The following RAB33A variants were observed in gnomAD, a reference collection of about 807,000 sequenced individuals.
RAB33A encodes the protein ras-related protein Rab-33A.
A neutral mutation model predicts 12.0 loss-of-function variants in RAB33A; 6 were observed. That is an observed-to-expected ratio of 0.50 (90% CI 0.27 to 0.99). The LOEUF (loss-of-function observed/expected upper bound fraction) is 0.99, where lower values mean the gene tolerates loss of function less well. Among genes scored for constraint, RAB33A ranks in the 50% least tolerant of loss-of-function variants. The pLI is 0.11. For missense variants in RAB33A, 109 were observed against 192.0 expected (o/e 0.57, Z 2.55); for synonymous variants, 70 against 82.4 (o/e 0.85, Z 0.81).
chrX:130,144,750 C>T, the RAB33A span, among the ~76,000 whole-genome samples: 1 of 112,421 alleles, frequency 8.9e-6, no homozygotes, highest in African/African-American at 3.2e-5. Flanking sequence ...CTGCCTAATA[C>T]AGTTAGCCCC....
chrX:130,156,462 T>C, the RAB33A span: 8 of 1,211,758 alleles, frequency 6.6e-6, no homozygotes, highest in East Asian at 3.0e-5. Context: ...TCTACTTACA[T>C]AGGCACCAGC....
chrX:130,151,595 G>A, the RAB33A span, among the ~76,000 whole-genome samples: 3 of 111,895 alleles, frequency 2.7e-5, no homozygotes, highest in African/African-American at 9.7e-5. Context: ...GTACTGTATG[G>A]GAAAAGACAA....
the RAB33A span, among the ~76,000 whole-genome samples, chrX:130,134,519 G>A: frequency 1.8e-5 from 2 of 110,929 alleles, no homozygotes; most frequent in South Asian, 7.6e-4. Context: ...TATGTTGTCC[G>A]GGTTGCTGAG....
At chrX:130,139,095 G>A in the RAB33A span, among the ~76,000 whole-genome samples, 1 of 110,448 alleles carries the variant, frequency 9.1e-6, no homozygotes, top group Non-Finnish European at 1.9e-5. Flanking sequence ...AGGCTGACAA[G>A]CCTTGTTCTA....
the RAB33A span, among the ~76,000 whole-genome samples, chrX:130,118,071 C>T: frequency 8.9e-6 from 1 of 112,176 alleles, no homozygotes; most frequent in Admixed American, 9.4e-5. Context: ...AGAAGAGACC[C>T]AGGGGAAGGG....
At chrX:130,160,883 A>AAAATAAAT in the RAB33A span, among the ~76,000 whole-genome samples, 1,627 of 107,045 alleles carry the variant, frequency 0.015, 33 homozygotes, top group African/African-American at 0.05. Flanking sequence ...TCTCTACTTA[A>AAAATAAAT]AAATAAATAA....
chrX:130,111,654 G>T, the RAB33A span, among the ~76,000 whole-genome samples: 1 of 111,916 alleles, frequency 8.9e-6, no homozygotes, highest in Non-Finnish European at 1.9e-5. Context: ...AGGGCTAGGG[G>T]GAGAGGGGCT....
chrX:130,117,540 T>C, the RAB33A span, among the ~76,000 whole-genome samples: 1 of 109,082 alleles, frequency 9.2e-6, no homozygotes. Context: ...GTGTGGGAGA[T>C]GGAAAGACAC....
At chrX:130,137,583 G>C in the RAB33A span, 13 of 1,151,586 alleles carry the variant, frequency 1.1e-5, no homozygotes, top group South Asian at 2.6e-4. Flanking sequence ...GGAGCTCACA[G>C]ATCTCTCAAG....
At chrX:130,166,403 TAC>T in the RAB33A span, among the ~76,000 whole-genome samples, 5 of 112,049 alleles carry the variant, frequency 4.5e-5, no homozygotes, top group Non-Finnish European at 9.4e-5. Context: ...GTGCTACAGA[TAC>T]ACACAGTCTC....
chrX:130,137,430 C>T, the RAB33A span: 1 of 1,163,552 alleles, frequency 8.6e-7, no homozygotes, highest in Admixed American at 2.6e-5. Flanking sequence ...GAACTCTGTG[C>T]ACTTCCACCC....
At chrX:130,163,177 G>A in the RAB33A span, among the ~76,000 whole-genome samples, 2 of 109,976 alleles carry the variant, frequency 1.8e-5, no homozygotes, top group African/African-American at 3.3e-5. Flanking sequence ...CGGCGTGGTG[G>A]TGCATGCCTG....
the RAB33A span, chrX:130,149,349 T>A: frequency 1.7e-6 from 1 of 605,401 alleles, no homozygotes; most frequent in Non-Finnish European, 2.8e-6. Flanking sequence ...ACTTTCTAGA[T>A]GCTTGCAATC....
the RAB33A span, chrX:130,136,988 T>C: frequency 8.3e-7 from 1 of 1,205,529 alleles, no homozygotes; most frequent in Middle Eastern, 2.8e-4. Flanking sequence ...TGATAGGGCT[T>C]ATGTCAAGGG....
the RAB33A span, among the ~76,000 whole-genome samples, chrX:130,142,171 T>G: frequency 9.0e-6 from 1 of 111,709 alleles, no homozygotes; most frequent in Non-Finnish European, 1.9e-5. Flanking sequence ...TAATCAAGAG[T>G]GACAAATGTG....
rs2031616253 is a variant in RAB33A, at chrX:130,172,128, G to T, written c.66G>T (p.Leu22=). Residue 22 remains leucine, a synonymous_variant, in exon 1 of 2, where the codon CTG becomes CTT. Transcript: ENST00000257017. The part of the protein sequence containing the change: ...QPASAAGLAS[L]ELDSSLDQYV... ...CCTCGGCCGCTGGCCTGGCGTCCCT[G>T]GAGCTCGACTCGTCGCTGGACCAGT... 6.6e-6 allele frequency: 8 copies of T among 1,212,162 alleles called. No individual in the cohort carries two copies. In the African/African-American group the frequency reaches 8.6e-5, roughly 13 times the overall value.
At chrX:130,167,869 G>A (rs1459104316), upstream of RAB33A, among the ~76,000 whole-genome samples, 1 of 109,447 alleles carries the variant, frequency 9.1e-6, no homozygotes, top group Non-Finnish European at 1.9e-5. Flanking sequence ...TTTTTTGGTG[G>A]AATGGGGATA....
chrX:130,112,822 T>A, the RAB33A span, among the ~76,000 whole-genome samples: 7 of 110,672 alleles, frequency 6.3e-5, no homozygotes, highest in African/African-American at 2.3e-4. Context: ...GCCGAGATCG[T>A]GCCACTGCAC....
At chrX:130,147,772 C>T in the RAB33A span, 1 of 1,212,039 alleles carries the variant, frequency 8.3e-7, no homozygotes. Context: ...GGATCCCGAG[C>T]CCGGATGGAT....
Sources: gnomAD v4.1 joint callset for allele counts (sites outside exome capture counted in the v4.1 genomes callset) on GRCh38, gnomAD v4.1.1 for gene constraint, MANE v1.5 for transcripts, NCBI Gene and HGNC (gene_info 2026-07-23, HGNC 2026-07-21) for gene names.